Variants in SHROOM2 observed in about 807,000 individuals in gnomAD.
SHROOM2 encodes shroom family member 2.
SHROOM2 carries 33 observed loss-of-function variants against 75.9 expected under a neutral mutation model. The observed-to-expected ratio is 0.43, with a 90% CI of 0.33 to 0.58. The LOEUF is 0.58. Among genes scored for constraint, SHROOM2 ranks in the 20% least tolerant of loss-of-function variants. The pLI is 0.04. For missense variants in SHROOM2, 1,434 were observed against 1,461.2 expected, an observed-to-expected ratio of 0.98 and a Z score of 0.30; for synonymous variants, 655 against 663.6, an observed-to-expected ratio of 0.99 and a Z score of 0.20.
At chrX:9,807,645 C>T (rs1386399767) in intron 1 of SHROOM2, among the ~76,000 whole-genome samples, 1 of 112,210 alleles carries the variant, frequency 8.9e-6, no homozygotes, top group Non-Finnish European at 1.9e-5. Context: ...CTGTCCATGC[C>T]CCAACAAAAA....
At position 9,948,448 on chromosome X, in the gene SHROOM2, C is replaced by G. The variant is rs1322223221; in HGVS notation, c.*1511C>G. On this transcript the variant is annotated 3_prime_UTR_variant, in exon 10 of 10. Transcript: ENST00000380913. ...TTTTAACCCTGACTTCCCCTTATTC[C>G]CATAAAAGAAGTTTTCCAGTGGAAT... The G allele has an allele frequency of 8.9e-6, 1 of 112,607 alleles. No homozygotes were observed. Among genetic ancestry groups the G allele is most frequent in the Non-Finnish European group, 1.9e-5 (1 of 53,330 alleles). The allele number at this position is 112,607 out of a possible 1,213,427, so 9.3% of individuals were successfully genotyped here.
chrX:9,916,492 G>C (rs890150260), intron 5 of SHROOM2, among the ~76,000 whole-genome samples: 5 of 111,932 alleles, frequency 4.5e-5, no homozygotes, highest in African/African-American at 1.6e-4. Context: ...GCATGGAGTT[G>C]CTAGGCAGGC....
At chrX:9,789,057 A>G (rs2083632798) in intron 1 of SHROOM2, among the ~76,000 whole-genome samples, 1 of 111,778 alleles carries the variant, frequency 8.9e-6, no homozygotes, top group Admixed American at 9.6e-5. Context: ...TGGCATTGCC[A>G]GTGTTTGCAT....
intron 1 of SHROOM2, among the ~76,000 whole-genome samples, chrX:9,815,184 T>A (rs2083812129): frequency 9.0e-6 from 1 of 110,925 alleles, no homozygotes. Context: ...GAATCAGGAG[T>A]GTCAAATGCA....
At chrX:9,792,572 G>A (rs1000051176) in intron 1 of SHROOM2, among the ~76,000 whole-genome samples, 3 of 109,114 alleles carry the variant, frequency 2.7e-5, no homozygotes, top group Non-Finnish European at 3.8e-5. Flanking sequence ...GCTTGGCTAG[G>A]AAGGGCTGGG....
chrX:9,895,302 G>T lies in SHROOM2; in HGVS notation c.1394G>T (p.Ser465Ile), dbSNP rs766772476. ...DSPPQVRGLS[S>I]CDQKLGSGWQ... ...CCTCCTCAGGTGAGGGGGCTCAGCA[G>T]CTGTGACCAGAAGCTGGGGAGCGGC... The change falls in exon 4 of 10, where the codon AGC becomes ATC. Residue 465 changes from serine to isoleucine, a missense_variant. This residue lies in a region of SHROOM2 where 1,340 missense variants were observed against 1,338.3 expected (regional missense o/e 1.00). Transcript: ENST00000380913. 1 of 1,175,789 alleles carries T rather than the reference G, an allele frequency of 8.5e-7. No homozygotes were observed. The highest frequency in any genetic ancestry group is 1.1e-6 in the Non-Finnish European group (1 of 877,829).
At position 9,937,410 on chromosome X, in the gene SHROOM2, G is replaced by GC. The variant is rs779297205; in HGVS notation, c.3870dup (p.Glu1291ArgfsTer38). ...AGCCCCAGCCCCTGGGCACCCAGGT[G>GC]CCCCCCGAGAAAGACCGCTGCACCT... On this transcript the variant is annotated frameshift_variant, in exon 7 of 10. Coordinates refer to ENST00000380913, the MANE Select transcript of SHROOM2 (RefSeq NM_001649.4). LOFTEE classifies it high-confidence loss of function. The GC allele has an allele frequency of 8.3e-7, 1 of 1,208,952 alleles. No homozygotes were observed. The highest frequency in any genetic ancestry group is 1.1e-6 in the Non-Finnish European group (1 of 894,312).
chrX:9,913,180 A>G (rs979150394), intron 5 of SHROOM2: 3 of 112,470 alleles, frequency 2.7e-5, no homozygotes, highest in Non-Finnish European at 3.8e-5. Context: ...AGTAAGAAAC[A>G]GGCATTCTCA....
chrX:9,815,899 CTT>C (rs1029690874), intron 1 of SHROOM2, among the ~76,000 whole-genome samples: 2 of 111,924 alleles, frequency 1.8e-5, no homozygotes, highest in Non-Finnish European at 3.8e-5. Flanking sequence ...AATGTAATCT[CTT>C]TTGGCAACAC....
chrX:9,859,113 C>G (rs1294741252), intron 1 of SHROOM2, among the ~76,000 whole-genome samples: 1 of 110,818 alleles, frequency 9.0e-6, no homozygotes, highest in Non-Finnish European at 1.9e-5. Flanking sequence ...ACTCGGGAGG[C>G]TGAGGCAGGG....
At chrX:9,942,407 C>T (rs1032309866) in intron 8 of SHROOM2, among the ~76,000 whole-genome samples, 23 of 111,139 alleles carry the variant, frequency 2.1e-4, no homozygotes, top group African/African-American at 7.5e-4. Flanking sequence ...CGTCTCATCC[C>T]ACGGGTTGAG....
chrX:9,818,711 C>T (rs1040131687), intron 1 of SHROOM2: 3 of 439,301 alleles, frequency 6.8e-6, no homozygotes, highest in Non-Finnish European at 1.2e-5. Flanking sequence ...GCTTTAACAT[C>T]CAGTCCTTCT....
intron 5 of SHROOM2, among the ~76,000 whole-genome samples, chrX:9,927,697 C>G (rs2084608983): frequency 8.9e-6 from 1 of 112,377 alleles, no homozygotes; most frequent in Non-Finnish European, 1.9e-5. Context: ...GAGGGCATAA[C>G]ATGATGCATG....
At chrX:9,801,703 T>G (rs1281823588) in intron 1 of SHROOM2, among the ~76,000 whole-genome samples, 1 of 112,013 alleles carries the variant, frequency 8.9e-6, no homozygotes, top group Non-Finnish European at 1.9e-5. Flanking sequence ...CATGTAATCC[T>G]AGCACTTGGG....
intron 1 of SHROOM2, among the ~76,000 whole-genome samples, chrX:9,789,536 G>A (rs1395089358): frequency 9.0e-6 from 1 of 111,407 alleles, no homozygotes; most frequent in Non-Finnish European, 1.9e-5. Flanking sequence ...GGATATATGT[G>A]ATCCTGGTGG....
chrX:9,793,945 G>C (rs570019935), intron 1 of SHROOM2, among the ~76,000 whole-genome samples: 4 of 110,234 alleles, frequency 3.6e-5, no homozygotes, highest in African/African-American at 1.3e-4. Context: ...GGGTTTCACC[G>C]TATTGCTTGG....
At chrX:9,855,072 TAA>T (rs1161845672) in intron 1 of SHROOM2, among the ~76,000 whole-genome samples, 7 of 94,523 alleles carry the variant, frequency 7.4e-5, no homozygotes, top group Admixed American at 1.2e-4. Context: ...CCACTCTTTT[TAA>T]AAAAAAAAAA....
chrX:9,837,845 T>C, intron 1 of SHROOM2, among the ~76,000 whole-genome samples: 1 of 110,986 alleles, frequency 9.0e-6, no homozygotes, highest in South Asian at 3.8e-4. Flanking sequence ...CTCACATCCT[T>C]CTTGGGCCAG....
chrX:9,867,479 G>T lies in SHROOM2; in HGVS notation c.166-6173G>T, dbSNP rs779226758. ...CAGAACTTCCTCATTTGTGGCTCTG[G>T]CACTCCACAGACATTAAGCGGCTGT... is the stretch of plus-strand genomic sequence containing the variant. On this transcript the variant is annotated intron_variant, in intron 1 of 9. Transcript: ENST00000380913. Among the ~76,000 whole-genome samples the T allele has an allele frequency of 1.4e-3, 155 of 111,547 alleles. 1 individual carries two copies. The highest frequency in any genetic ancestry group is 2.2e-3 in the Non-Finnish European group (115 of 53,131).
Sources: allele counts gnomAD v4.1 joint callset (sites outside exome capture counted in the v4.1 genomes callset), GRCh38; gene constraint gnomAD v4.1.1; regional missense constraint gnomAD v4.1.1; transcripts MANE v1.5; gene names NCBI Gene and HGNC (gene_info 2026-07-23, HGNC 2026-07-21).